LRRC20: variants seen among roughly 807,000 people sequenced by gnomAD.
LRRC20 encodes the protein leucine-rich repeat-containing protein 20.
A neutral mutation model predicts 14.4 loss-of-function variants in LRRC20; 11 were observed. That is an observed-to-expected ratio of 0.77 (90% confidence interval 0.48 to 1.27). LRRC20 has a LOEUF of 1.27. LRRC20 is among the 50% of genes most tolerant of loss of function. The probability of loss-of-function intolerance (pLI) is 0.00; values close to 1 mark genes in which losing one functional copy is unlikely to be tolerated. For missense variants in LRRC20, 219 were observed against 251.2 expected, an observed-to-expected ratio of 0.87 and a Z score of 0.87; for synonymous variants, 121 against 107.3, an observed-to-expected ratio of 1.13 and a Z score of -0.79.
In LRRC20 at chr10:70,301,500, C is replaced by T. The variant is rs749433858; in HGVS notation, c.409G>A (p.Val137Met). Reference protein sequence around the residue: ...LEENEIVDVPVEKLAAMPALR... With the variant: ...LEENEIVDVPMEKLAAMPALR... ...GCTGGCATGGCGGCCAGCTTCTCCA[C>T]GGGCACATCTATTGGGGACAGAATG... Residue 137 changes from valine (V) to methionine (M), a missense_variant, in exon 5 of 5, where the codon GTG (valine) becomes ATG (methionine). Val to Met is a conservative substitution (Grantham distance 21, BLOSUM62 1). Transcript: ENST00000446961. 3.7e-5 allele frequency: 59 copies of T among 1,613,778 alleles called. No individual in the cohort carries two copies. Among genetic ancestry groups the T allele is most frequent in the Middle Eastern group, 1.6e-4 (1 of 6,082 alleles).
At chr10:70,316,937 C>T (rs1841887280) in intron 4 of LRRC20, among the ~76,000 whole-genome samples, 1 of 152,242 alleles carries the variant, frequency 6.6e-6, no homozygotes, top group African/African-American at 2.4e-5. Context: ...GAAGCTACCA[C>T]CTCGGAGGGC....
At chr10:70,318,368 A>G (rs777001919) in intron 4 of LRRC20, among the ~76,000 whole-genome samples, 2 of 152,226 alleles carry the variant, frequency 1.3e-5, no homozygotes, top group Non-Finnish European at 2.9e-5. Context: ...TTTGAGAAAT[A>G]TCGGCTGGGA....
intron 3 of LRRC20, among the ~76,000 whole-genome samples, chr10:70,329,408 TTCA>T (rs1199589407): frequency 1.3e-5 from 2 of 152,204 alleles, no homozygotes; most frequent in Admixed American, 6.5e-5. Flanking sequence ...GGGAAAGGCT[TTCA>T]TCATCAAGTC....
intron 4 of LRRC20, among the ~76,000 whole-genome samples, chr10:70,315,643 C>T (rs1841823457): frequency 6.6e-6 from 1 of 152,194 alleles, no homozygotes; most frequent in Non-Finnish European, 1.5e-5. Context: ...CCAATTTCAG[C>T]AACCAGTTTG....
chr10:70,358,141 C>T (rs4747013), intron 2 of LRRC20, among the ~76,000 whole-genome samples: 149,885 of 152,358 alleles, frequency 0.98, 73,778 homozygotes, highest in East Asian at 1. Flanking sequence ...TGCCTTTAAC[C>T]CAGTGTCTTT....
rs528281622 is a variant in LRRC20, at chr10:70,300,465, C to A, written c.*889G>T. 7.7e-5 allele frequency: 76 copies of A among 985,556 alleles called. No individual in the cohort carries two copies. The Middle Eastern group carries it at 3.1e-3, about 41-fold the overall frequency. The allele number at this position is 985,556 out of a possible 1,614,324, so 61.1% of individuals were successfully genotyped here. On this transcript the variant is annotated 3_prime_UTR_variant, in exon 5 of 5. Transcript: ENST00000446961. Reference sequence around the variant, plus strand: ...CGTGGTCCACATCGCCTTCTGCCCCCAGGAGGCCATGACAAGGCAGCCAGG... The same window carrying A: ...CGTGGTCCACATCGCCTTCTGCCCCAAGGAGGCCATGACAAGGCAGCCAGG...
At chr10:70,315,050 C>T (rs1841804861) in intron 4 of LRRC20, among the ~76,000 whole-genome samples, 1 of 152,192 alleles carries the variant, frequency 6.6e-6, no homozygotes, top group Admixed American at 6.5e-5. Context: ...GTTATTTAAT[C>T]TCCCTGTGCC....
chr10:70,329,665 G>A (rs1256336121), intron 3 of LRRC20, among the ~76,000 whole-genome samples: 1 of 151,038 alleles, frequency 6.6e-6, no homozygotes, highest in Admixed American at 6.6e-5. Flanking sequence ...GGGTTCAAGC[G>A]ATTCTCCTGT....
chr10:70,381,189 A>G lies in LRRC20; in HGVS notation c.-64+1360T>C, dbSNP rs147043275. Reference sequence around the variant, plus strand: ...GTCCCATTTGTAAAATGGAAATACCACCTTCCTCACCGGATTATTGTGGGA... The same window carrying G: ...GTCCCATTTGTAAAATGGAAATACCGCCTTCCTCACCGGATTATTGTGGGA... On this transcript the variant is annotated intron_variant, in intron 1 of 4. Transcript: ENST00000446961. Among the ~76,000 whole-genome samples the G allele has an allele frequency of 1.7e-3, 253 of 152,268 alleles. 1 individual carries two copies. Among genetic ancestry groups the G allele is most frequent in the African/African-American group, 5.7e-3 (238 of 41,544 alleles).
intron 2 of LRRC20, among the ~76,000 whole-genome samples, chr10:70,375,049 T>C (rs1844456170): frequency 6.6e-6 from 1 of 152,060 alleles, no homozygotes; most frequent in Non-Finnish European, 1.5e-5. Context: ...ACTCAAAGCC[T>C]AGCTCTGAAC....
At chr10:70,325,773 CG>C (rs900045602) in intron 3 of LRRC20, among the ~76,000 whole-genome samples, 2 of 152,178 alleles carry the variant, frequency 1.3e-5, no homozygotes, top group Admixed American at 6.5e-5. Flanking sequence ...GCACTGTGGA[CG>C]GGGCCCCCGG....
intron 2 of LRRC20, among the ~76,000 whole-genome samples, chr10:70,356,616 G>T (rs1245149346): frequency 6.6e-6 from 1 of 152,170 alleles, no homozygotes; most frequent in African/African-American, 2.4e-5. Flanking sequence ...ACTTTGGGAG[G>T]CCGAGGCGGG....
At chr10:70,301,848 A>T (rs893225155) in intron 4 of LRRC20, among the ~76,000 whole-genome samples, 4 of 152,262 alleles carry the variant, frequency 2.6e-5, no homozygotes, top group Admixed American at 6.5e-5. Flanking sequence ...AAATGTTCAT[A>T]GCAGCACTAT....
At chr10:70,380,417 A>G (rs986494009) in intron 1 of LRRC20, among the ~76,000 whole-genome samples, 1 of 152,226 alleles carries the variant, frequency 6.6e-6, no homozygotes, top group East Asian at 1.9e-4. Flanking sequence ...CACAAGGAAG[A>G]ATTGTTTCAT....
At chr10:70,348,277 C>T (rs1843154113) in intron 2 of LRRC20, among the ~76,000 whole-genome samples, 1 of 152,110 alleles carries the variant, frequency 6.6e-6, no homozygotes, top group Non-Finnish European at 1.5e-5. Context: ...TAACACAGCA[C>T]ATGGACTCTC....
chr10:70,351,576 T>C (rs1843313449), intron 2 of LRRC20, among the ~76,000 whole-genome samples: 1 of 152,222 alleles, frequency 6.6e-6, no homozygotes, highest in Non-Finnish European at 1.5e-5. Flanking sequence ...ACAAAGGACA[T>C]TATAAACATT....
chr10:70,341,316 C>T (rs1327593033), intron 2 of LRRC20, among the ~76,000 whole-genome samples: 1 of 152,168 alleles, frequency 6.6e-6, no homozygotes, highest in Non-Finnish European at 1.5e-5. Flanking sequence ...CAAAAACATA[C>T]ATCCATGCAA....
chr10:70,369,198 G>A (rs184649845), intron 2 of LRRC20, among the ~76,000 whole-genome samples: 139 of 152,320 alleles, frequency 9.1e-4, no homozygotes, highest in Middle Eastern at 3.4e-3. Flanking sequence ...TGGGAGGAGA[G>A]GCAGGTGTGT....
At chr10:70,378,863 T>C (rs1226658081) in intron 1 of LRRC20, among the ~76,000 whole-genome samples, 1 of 151,890 alleles carries the variant, frequency 6.6e-6, no homozygotes, top group East Asian at 1.9e-4. Flanking sequence ...GGAGAATCGC[T>C]TGAACCCAGG....
Sources: gnomAD v4.1 joint callset for allele counts (sites outside exome capture counted in the v4.1 genomes callset) on GRCh38, gnomAD v4.1.1 for gene constraint, MANE v1.5 for transcripts, NCBI Gene and HGNC (gene_info 2026-07-23, HGNC 2026-07-21) for gene names.